Variants in CD163L1 observed in about 807,000 individuals in gnomAD.
CD163L1 encodes scavenger receptor cysteine-rich type 1 protein M160.
CD163L1 carries 124 observed loss-of-function variants against 165.4 expected under a neutral mutation model. The ratio of observed to expected loss-of-function variants is 0.75; its 90% confidence interval spans 0.65 to 0.87. The LOEUF is 0.87. CD163L1 is among the 40% of genes least tolerant of loss of function. The pLI, the probability that CD163L1 is intolerant of heterozygous loss-of-function variation, is 0.00. For synonymous variants in CD163L1, 585 were observed against 662.2 expected (o/e 0.88, Z 1.79); for missense variants, 1,525 against 1,799.9 (o/e 0.85, Z 2.76).
At chr12:7,430,683 A>C (rs372914685) in intron 4 of CD163L1, among the ~76,000 whole-genome samples, 1 of 152,160 alleles carries the variant, frequency 6.6e-6, no homozygotes, top group African/African-American at 2.4e-5. Context: ...CCATCATAGC[A>C]TATGAATAGG....
At chr12:7,384,679 A>C in intron 8 of CD163L1, among the ~76,000 whole-genome samples, 1 of 152,144 alleles carries the variant, frequency 6.6e-6, no homozygotes, top group East Asian at 1.9e-4. Flanking sequence ...CCAGCCTAAA[A>C]TATAATACCC....
chr12:7,369,922 T>C lies in CD163L1; in HGVS notation c.3731-257A>G, dbSNP rs541862198. Among the ~76,000 whole-genome samples the C allele has an allele frequency of 4.9e-4, 75 of 152,344 alleles. No individual in the cohort carries two copies. The highest frequency in any genetic ancestry group is 1.7e-3 in the African/African-American group (71 of 41,584). On this transcript the variant is annotated intron_variant, in intron 14 of 19. Transcript: ENST00000313599. The surrounding 1 kb of genome is among the most constrained non-coding windows in gnomAD (Gnocchi z 4.9). ...CAAACCAGATATTCATTTTCTACTC[T>C]AGATGTTTGAAAACAAAACATATTG... is the stretch of plus-strand genomic sequence containing the variant.
Position 7,433,551 on chromosome 12 carries a change from C to G in CD163L1, c.268G>C (p.Gly90Arg). 1 of 1,614,142 alleles carries G rather than the reference C, an allele frequency of 6.2e-7. No individual in the cohort carries two copies. Among genetic ancestry groups the G allele is most frequent in the Non-Finnish European group, 8.5e-7 (1 of 1,180,028 alleles). The stretch of plus-strand genomic sequence containing the variant: ...AACATGGCGAAAGAAAATGGACATC[C>G]AAGCTGTTTGCACACGACAGTTGAG... ...TASTVVCKQL[G>R]CPFSFAMFRF... is the part of the protein sequence containing the mutation. The change falls in exon 3 of 20, where the codon GGA (glycine) becomes CGA (arginine). Residue 90 changes from glycine to arginine, a missense_variant. By Grantham distance (125) the Gly-to-Arg change is moderately radical. Coordinates refer to ENST00000313599, the MANE Select transcript of CD163L1 (RefSeq NM_174941.6).
chr12:7,401,708 C>G (rs1291069053), intron 6 of CD163L1, among the ~76,000 whole-genome samples: 1 of 151,858 alleles, frequency 6.6e-6, no homozygotes, highest in Non-Finnish European at 1.5e-5. Context: ...GTATATTGTT[C>G]AGCACAAAGG....
At chr12:7,421,396 A>G (rs149106719) in intron 4 of CD163L1, among the ~76,000 whole-genome samples, 10,555 of 78,988 alleles carry the variant, frequency 0.13, 1,685 homozygotes, top group African/African-American at 0.35. Context: ...ATATATATGT[A>G]TATATATCTT....
intron 1 of CD163L1, among the ~76,000 whole-genome samples, chr12:7,441,758 T>C (rs10772338): frequency 0.52 from 78,981 of 152,154 alleles, 25,526 homozygotes; most frequent in Non-Finnish European, 0.73. Flanking sequence ...GACTGGAATG[T>C]ACAAGCAAAT....
intron 4 of CD163L1, among the ~76,000 whole-genome samples, chr12:7,408,601 TG>T (rs1324796786): frequency 6.6e-6 from 1 of 152,218 alleles, no homozygotes; most frequent in Non-Finnish European, 1.5e-5. Flanking sequence ...ATTTTATTTG[TG>T]GCAAGAACAC....
At chr12:7,346,888 G>T (rs1946674161) in exon 5 of CD163L1, 1 of 152,134 alleles carries the variant, frequency 6.6e-6, no homozygotes, top group Non-Finnish European at 1.5e-5. Context: ...TCCTGTTAGG[G>T]ATTGTGGGAA....
intron 8 of CD163L1, among the ~76,000 whole-genome samples, chr12:7,394,798 C>A (rs1030741878): frequency 6.6e-6 from 1 of 152,146 alleles, no homozygotes; most frequent in Non-Finnish European, 1.5e-5. Flanking sequence ...TGAACAGACA[C>A]TTCTCAAAAG....
chr12:7,332,486 T>G, the CD163L1 span, among the ~76,000 whole-genome samples: 6 of 152,264 alleles, frequency 3.9e-5, no homozygotes, highest in East Asian at 1.2e-3. Flanking sequence ...AATTGTCAGA[T>G]TCACCAAAGT....
At chr12:7,426,289 C>T (rs1233967331) in intron 4 of CD163L1, among the ~76,000 whole-genome samples, 6 of 151,880 alleles carry the variant, frequency 4.0e-5, no homozygotes, top group African/African-American at 9.7e-5. Context: ...TTGGGCATGT[C>T]TGGGAATGGG....
chr12:7,388,468 C>T (rs1400735436), intron 8 of CD163L1, among the ~76,000 whole-genome samples: 1 of 152,120 alleles, frequency 6.6e-6, no homozygotes, highest in Admixed American at 6.6e-5. Context: ...GCAGGCTGGA[C>T]ATGGTGGCTC....
In CD163L1 at chr12:7,369,743, G is replaced by T; in HGVS notation, c.3731-78C>A. 7.7e-7 allele frequency: 1 copy of T among 1,292,112 alleles called. No individual in the cohort carries two copies. Among genetic ancestry groups the T allele is most frequent in the Non-Finnish European group, 1.1e-6 (1 of 917,342 alleles). 80.0% of individuals were successfully genotyped at this position (1,292,112 alleles called of 1,614,324 possible). On this transcript the variant is annotated intron_variant, in intron 14 of 19. Transcript: ENST00000313599. This position sits in a 1 kb window ranked among gnomAD's most constrained non-coding sequence, Gnocchi z 4.9. ...AATGCTGAGGTAGAAAAACTTGAAA[G>T]TAGCAAATGTGCTTGATGAATATGG...
At chr12:7,439,699 T>A in intron 2 of CD163L1, 1 of 1,612,174 alleles carries the variant, frequency 6.2e-7, no homozygotes, top group Non-Finnish European at 8.5e-7. Context: ...TTTACAGTCC[T>A]CCAGGTGAGT....
At chr12:7,348,107 A>G (rs1203464573) in intron 4 of CD163L1, among the ~76,000 whole-genome samples, 2 of 152,222 alleles carry the variant, frequency 1.3e-5, no homozygotes, top group African/African-American at 2.4e-5. Context: ...ATATTTGTCT[A>G]TAATACCAGG....
chr12:7,351,091 C>A (rs1475812601), downstream of CD163L1, among the ~76,000 whole-genome samples: 1 of 151,974 alleles, frequency 6.6e-6, no homozygotes, highest in Non-Finnish European at 1.5e-5. Flanking sequence ...ATTGTCATGT[C>A]TCTTTATAAA....
chr12:7,362,602 A>G (rs1795268112), intron 18 of CD163L1, among the ~76,000 whole-genome samples: 1 of 144,724 alleles, frequency 6.9e-6, no homozygotes, highest in Admixed American at 7.0e-5. Context: ...ATATAAATTT[A>G]TAGCTTATTA....
At chr12:7,324,265 G>T in the CD163L1 span, 1 of 1,611,212 alleles carries the variant, frequency 6.2e-7, no homozygotes, top group Non-Finnish European at 8.5e-7. Context: ...GTCATCCTTG[G>T]TTCCCAGGAC....
chr12:7,362,346 T>A (rs7957680), intron 18 of CD163L1, among the ~76,000 whole-genome samples: 16,529 of 137,694 alleles, frequency 0.12, 1,478 homozygotes, highest in East Asian at 0.49. Context: ...ATGAAATATA[T>A]TATAATATAA....
Sources: allele counts gnomAD v4.1 joint callset (sites outside exome capture counted in the v4.1 genomes callset), GRCh38; gene constraint gnomAD v4.1.1; non-coding constraint Gnocchi (gnomAD v3.1); transcripts MANE v1.5; gene names NCBI Gene and HGNC (gene_info 2026-07-23, HGNC 2026-07-21).